THSD7A: variants seen among roughly 807,000 people sequenced by gnomAD.
THSD7A encodes thrombospondin type 1 domain containing 7A.
THSD7A carries 96 observed loss-of-function variants against 231.3 expected under a neutral mutation model. The ratio of observed to expected loss-of-function variants is 0.41; its 90% confidence interval spans 0.35 to 0.49. The LOEUF (loss-of-function observed/expected upper bound fraction) is 0.49, where lower values mean the gene tolerates loss of function less well. Among genes scored for constraint, THSD7A ranks in the 20% least tolerant of loss-of-function variants. THSD7A has a pLI of 0.05. For missense variants in THSD7A, 2,290 were observed against 2,070.2 expected, an observed-to-expected ratio of 1.11 and a Z score of -2.06; for synonymous variants, 940 against 743.3, an observed-to-expected ratio of 1.26 and a Z score of -4.30.
chr7:11,627,092 T>C (rs998713168), intron 2 of THSD7A, among the ~76,000 whole-genome samples: 3 of 152,154 alleles, frequency 2.0e-5, no homozygotes, highest in African/African-American at 7.2e-5. Flanking sequence ...GAGCTGATTA[T>C]GTTCTAGGCA....
chr7:11,395,412 A>T (rs1217134367), intron 23 of THSD7A, among the ~76,000 whole-genome samples: 1 of 152,176 alleles, frequency 6.6e-6, no homozygotes, highest in African/African-American at 2.4e-5. Context: ...AGGCAAATCA[A>T]TGAGACAGAT....
At chr7:11,490,834 AACTT>A (rs1328467604) in intron 6 of THSD7A, among the ~76,000 whole-genome samples, 5 of 152,210 alleles carry the variant, frequency 3.3e-5, no homozygotes, top group African/African-American at 1.2e-4. Flanking sequence ...ACTATTCTAA[AACTT>A]ACTTAATCTT....
chr7:11,789,216 T>A (rs150583303), intron 1 of THSD7A, among the ~76,000 whole-genome samples: 51 of 152,100 alleles, frequency 3.4e-4, no homozygotes, highest in African/African-American at 1.2e-3. Context: ...GGAACTTTGC[T>A]GAGAAATGGG....
At chr7:11,817,894 C>CAG (rs74637656) in intron 1 of THSD7A, among the ~76,000 whole-genome samples, 1 of 151,938 alleles carries the variant, frequency 6.6e-6, no homozygotes, top group Non-Finnish European at 1.5e-5. Flanking sequence ...CACACACACA[C>CAG]AGGCAAATGC....
chr7:11,654,384 T>C (rs1782631457), intron 1 of THSD7A, among the ~76,000 whole-genome samples: 1 of 151,986 alleles, frequency 6.6e-6, no homozygotes. Flanking sequence ...TTCAAAGGAA[T>C]GTCACCCAAT....
In THSD7A at chr7:11,683,277, CAT is replaced by C. The variant is rs1264718476; in HGVS notation, c.191-46318_191-46317del. Among the ~76,000 whole-genome samples, 4 of 151,858 alleles carry C rather than the reference CAT, an allele frequency of 2.6e-5. No homozygotes were observed. The East Asian group carries it at 5.8e-4, about 22-fold the overall frequency. On this transcript the variant is annotated intron_variant, in intron 1 of 27. Transcript: ENST00000423059. ...AATGACTTTTAGGTGAACAATGAAA[CAT>C]AATTAATCACAAATTAACAATCTAA...
At chr7:11,514,120 G>C (rs570549493) in intron 6 of THSD7A, among the ~76,000 whole-genome samples, 1 of 151,796 alleles carries the variant, frequency 6.6e-6, no homozygotes, top group Non-Finnish European at 1.5e-5. Context: ...TTCTGTCCCT[G>C]CTTAAATATT....
chr7:11,381,453 A>G (rs1782512555), intron 24 of THSD7A, among the ~76,000 whole-genome samples: 2 of 152,168 alleles, frequency 1.3e-5, no homozygotes, highest in African/African-American at 4.8e-5. Flanking sequence ...AATTCAATAT[A>G]AAGATGGATA....
intron 2 of THSD7A, among the ~76,000 whole-genome samples, chr7:11,615,537 A>G (rs1781076747): frequency 6.6e-6 from 1 of 152,068 alleles, no homozygotes; most frequent in South Asian, 2.1e-4. Flanking sequence ...AAGAAAACTA[A>G]CCAATATACT....
At chr7:11,747,971 A>G (rs953367650) in intron 1 of THSD7A, among the ~76,000 whole-genome samples, 1 of 152,010 alleles carries the variant, frequency 6.6e-6, no homozygotes, top group African/African-American at 2.4e-5. Context: ...GCTGATAAGA[A>G]GGCAGGAGAA....
rs1044425587 is a variant in THSD7A, at chr7:11,375,597, G to T, written c.*197C>A. 1 of 399,036 alleles carries T rather than the reference G, an allele frequency of 2.5e-6. No homozygotes were observed. Among genetic ancestry groups the T allele is most frequent in the Non-Finnish European group, 4.5e-6 (1 of 223,710 alleles). 24.7% of individuals were successfully genotyped at this position (399,036 alleles called of 1,614,324 possible). Reference sequence around the variant, plus strand: ...CAGCTAAATCTCCTATAATTCTCACGGTTGATGGTCTGTATATAAGTGGTA... The same window carrying T: ...CAGCTAAATCTCCTATAATTCTCACTGTTGATGGTCTGTATATAAGTGGTA... On this transcript the variant is annotated 3_prime_UTR_variant, in exon 28 of 28. Coordinates refer to ENST00000423059, the MANE Select transcript of THSD7A (RefSeq NM_015204.3).
At chr7:11,619,402 CTTTT>C (rs10706554) in intron 2 of THSD7A, among the ~76,000 whole-genome samples, 8 of 127,718 alleles carry the variant, frequency 6.3e-5, no homozygotes, top group Admixed American at 7.9e-5. Flanking sequence ...TCTTACTGTA[CTTTT>C]TTTTTTTTTT....
At chr7:11,541,974 A>G (rs1208859059) in intron 5 of THSD7A, among the ~76,000 whole-genome samples, 1 of 152,198 alleles carries the variant, frequency 6.6e-6, no homozygotes, top group Non-Finnish European at 1.5e-5. Flanking sequence ...GTCAACTTGG[A>G]AAGTCTGTAG....
chr7:11,478,583 A>G (rs1332062626), intron 7 of THSD7A, among the ~76,000 whole-genome samples: 1 of 152,200 alleles, frequency 6.6e-6, no homozygotes, highest in Non-Finnish European at 1.5e-5. Context: ...CAATAAAAGG[A>G]AGTGAAAGAA....
intron 2 of THSD7A, among the ~76,000 whole-genome samples, chr7:11,601,171 TA>T (rs1330965562): frequency 1.3e-5 from 2 of 152,212 alleles, no homozygotes; most frequent in African/African-American, 2.4e-5. Context: ...TTCTTCCTAA[TA>T]TTTTTTTCGT....
chr7:11,489,238 A>G (rs1204480042), intron 6 of THSD7A, among the ~76,000 whole-genome samples: 1 of 152,132 alleles, frequency 6.6e-6, no homozygotes. Context: ...CTTTTCTGCA[A>G]AAGAAAAAAG....
At chr7:11,778,072 G>C (rs2128173571) in intron 1 of THSD7A, among the ~76,000 whole-genome samples, 1 of 144,938 alleles carries the variant, frequency 6.9e-6, no homozygotes, top group Non-Finnish European at 1.5e-5. Context: ...CAGGAGAATG[G>C]CGTGAACCCG....
intron 13 of THSD7A, among the ~76,000 whole-genome samples, chr7:11,432,233 G>A (rs1346589358): frequency 6.6e-6 from 1 of 151,940 alleles, no homozygotes; most frequent in East Asian, 1.9e-4. Flanking sequence ...TGATTGTGTA[G>A]GTCTTAAGTT....
chr7:11,652,622 T>C (rs1290026794), intron 1 of THSD7A, among the ~76,000 whole-genome samples: 3 of 151,930 alleles, frequency 2.0e-5, no homozygotes, highest in Non-Finnish European at 4.4e-5. Flanking sequence ...TGTATCAAAA[T>C]TGGTTCATTT....
Sources: gnomAD v4.1 joint callset for allele counts (sites outside exome capture counted in the v4.1 genomes callset) on GRCh38, gnomAD v4.1.1 for gene constraint, MANE v1.5 for transcripts, NCBI Gene and HGNC (gene_info 2026-07-23, HGNC 2026-07-21) for gene names.